The following ARRDC3 variants were observed in gnomAD, a reference collection of about 807,000 sequenced individuals.
ARRDC3 encodes the protein arrestin domain containing 3.
A neutral mutation model predicts 47.2 loss-of-function variants in ARRDC3; 10 were observed. The observed-to-expected ratio is 0.21, with a 90% CI of 0.13 to 0.36. ARRDC3 has a LOEUF of 0.36. ARRDC3 is among the 10% of genes least tolerant of loss of function. The pLI is 1.00. For missense variants in ARRDC3, 381 were observed against 503.6 expected (o/e 0.76, Z 2.33); for synonymous variants, 156 against 178.3 (o/e 0.87, Z 1.00).
intron 5 of ARRDC3, 26 bp downstream of exon 5, chr5:91,374,895 GA>G: frequency 1.9e-6 from 3 of 1,603,414 alleles, no homozygotes; most frequent in Non-Finnish European, 2.6e-6. Flanking sequence ...AAAAAGAAAG[GA>G]AAAAACCTCT....
intron 1 of ARRDC3, among the ~76,000 whole-genome samples, chr5:91,382,193 T>C (rs1213649361): frequency 3.3e-5 from 5 of 152,188 alleles, no homozygotes; most frequent in Non-Finnish European, 5.9e-5. Context: ...TAATGACAGA[T>C]AGTCATTCCT....
intron 2 of ARRDC3, among the ~76,000 whole-genome samples, chr5:91,377,597 C>G (rs1229986034): frequency 6.7e-6 from 1 of 148,344 alleles, no homozygotes; most frequent in Non-Finnish European, 1.5e-5. Context: ...GCATTTTAGA[C>G]TCCCACATTA....
At position 91,370,120 on chromosome 5, in the gene ARRDC3, GCTCT is replaced by G. The variant is rs1799135861; in HGVS notation, c.*1276_*1279del. The G allele has an allele frequency of 6.6e-6, 1 of 152,156 alleles. No homozygotes were observed. The highest frequency in any genetic ancestry group is 2.4e-5 in the African/African-American group (1 of 41,430). The allele number at this position is 152,156 out of a possible 1,614,324, so 9.4% of individuals were successfully genotyped here. ...GCAAGACAGCAAAGGTACAAATTGAGCTCTCTATTCATAACCTCAATGTATGTAT... is the reference window on the plus strand; with the variant it reads ...GCAAGACAGCAAAGGTACAAATTGAGCTATTCATAACCTCAATGTATGTAT... On this transcript the variant is annotated 3_prime_UTR_variant, in exon 8 of 8. Transcript: ENST00000265138.
At position 91,375,491 on chromosome 5, in the gene ARRDC3, G is replaced by T. The variant is rs2127070289; in HGVS notation, c.613+20C>A. The T allele has an allele frequency of 6.5e-7, 1 of 1,541,518 alleles. No individual in the cohort carries two copies. The highest frequency in any genetic ancestry group is 8.8e-7 in the Non-Finnish European group (1 of 1,136,996). On this transcript the variant is annotated intron_variant, in intron 4 of 7. Coordinates refer to ENST00000265138, the MANE Select transcript of ARRDC3 (RefSeq NM_020801.4). ...GCTAAGTGAAGAAAAGTTTTTTGTG[G>T]GAATCTACCTCTTACATACCTGGGG...
Position 91,369,178 on chromosome 5 carries a change from T to C in ARRDC3, c.*2222A>G, listed in dbSNP as rs897451688. ...CAGAATATTGGTCATTCTTGCTTCA[T>C]GTGTTATTTGTAAGAGTATATAATG... On this transcript the variant is annotated 3_prime_UTR_variant, in exon 8 of 8. Coordinates refer to ENST00000265138, the MANE Select transcript of ARRDC3 (RefSeq NM_020801.4). 6.6e-6 allele frequency: 1 copy of C among 152,544 alleles called. No homozygotes were observed. The highest frequency in any genetic ancestry group is 6.5e-5 in the Admixed American group (1 of 15,278). 9.4% of individuals were successfully genotyped at this position (152,544 alleles called of 1,614,324 possible). A position where few individuals can be genotyped will look rare whatever the true frequency, so the allele number is the denominator to read the frequency against.
intron 7 of ARRDC3, among the ~76,000 whole-genome samples, chr5:91,372,955 T>TGTCTTTACATAC (rs1799213963): frequency 6.6e-6 from 1 of 152,212 alleles, no homozygotes; most frequent in African/African-American, 2.4e-5. Flanking sequence ...ACTCACTCCT[T>TGTCTTTACATAC]GTCTTTACAT....
rs1352364009 is a variant in ARRDC3, at chr5:91,375,499, C to T, written c.613+12G>A. The T allele has an allele frequency of 1.3e-6, 2 of 1,574,484 alleles. No individual in the cohort carries two copies. The highest frequency in any genetic ancestry group is 2.4e-5 in the South Asian group (2 of 84,950). On this transcript the variant is annotated intron_variant, in intron 4 of 7. Transcript: ENST00000265138. ...AAGAAAAGTTTTTTGTGGGAATCTA[C>T]CTCTTACATACCTGGGGTATAGCCC...
intron 5 of ARRDC3, 32 bp downstream of exon 5, chr5:91,374,886 AAAAG>A: frequency 6.3e-7 from 1 of 1,599,492 alleles, no homozygotes; most frequent in Non-Finnish European, 8.5e-7. Flanking sequence ...CAAAAAAGAA[AAAAG>A]AAAGGAAAAA....
At chr5:91,376,478 G>T in intron 3 of ARRDC3, 143 bp downstream of exon 3, 1 of 754,552 alleles carries the variant, frequency 1.3e-6, no homozygotes, top group Non-Finnish European at 2.1e-6. Flanking sequence ...GTTCTTGACT[G>T]TATTTAAGAA....
At chr5:91,371,809 A>G (rs1799184209) in intron 7 of ARRDC3, among the ~76,000 whole-genome samples, 1 of 152,228 alleles carries the variant, frequency 6.6e-6, no homozygotes, top group African/African-American at 2.4e-5. Context: ...TACACAACGT[A>G]GAATATCTTC....
Position 91,373,769 on chromosome 5 carries a change from C to T in ARRDC3, c.1103G>A (p.Cys368Tyr), listed in dbSNP as rs1362177945. ...TTGAAGGGCTCTCTCAAAGTCATCA[C>T]AAGCACTCACTGGTGCAAGATTGTT... ...RRNNLAPVSA[C>Y]DDFERALQGP... is the part of the protein sequence containing the mutation. Residue 368 changes from cysteine (C) to tyrosine (Y), a missense_variant, in exon 7 of 8, where the codon TGT (cysteine) becomes TAT (tyrosine). Transcript: ENST00000265138. 8 of 1,613,954 alleles carry T rather than the reference C, an allele frequency of 5.0e-6. No individual in the cohort carries two copies. The highest frequency in any genetic ancestry group is 6.8e-6 in the Non-Finnish European group (8 of 1,179,966).
At chr5:91,371,620 G>T (rs1799180229) in intron 7 of ARRDC3, among the ~76,000 whole-genome samples, 164 bp from the exon 8 acceptor site, 1 of 152,132 alleles carries the variant, frequency 6.6e-6, no homozygotes, top group African/African-American at 2.4e-5. Context: ...TACGTGAAAT[G>T]CTATGTGGGG....
chr5:91,370,987 ATC>A lies in ARRDC3; in HGVS notation c.*411_*412del, dbSNP rs1245325663. The A allele has an allele frequency of 6.5e-6, 1 of 153,384 alleles. No individual in the cohort carries two copies. Among genetic ancestry groups the A allele is most frequent in the East Asian group, 2.0e-4 (1 of 5,128 alleles). The allele number at this position is 153,384 out of a possible 1,614,324, so 9.5% of individuals were successfully genotyped here. A position where few individuals can be genotyped will look rare whatever the true frequency, so the allele number is the denominator to read the frequency against. ...CTGACCACAAACAAGTTTTAAGAGT[ATC>A]AAGAGTCTGGCAAAAATAGAAAAAA... On this transcript the variant is annotated 3_prime_UTR_variant, in exon 8 of 8. Coordinates refer to ENST00000265138, the MANE Select transcript of ARRDC3 (RefSeq NM_020801.4).
In ARRDC3 at chr5:91,378,753, G is replaced by A; in HGVS notation, c.303C>T (p.Gly101=). The A allele has an allele frequency of 1.3e-6, 2 of 1,594,310 alleles. No individual in the cohort carries two copies. Among genetic ancestry groups the A allele is most frequent in the Non-Finnish European group, 1.7e-6 (2 of 1,172,816 alleles). ...GCCTTCCTGAATGAATAGTGTGGAA[G>A]CCTTCTTCGGAATTATCATCATCTA... ...HERDDDNSEE[G]FHTIHSGRHE... is the part of the protein sequence containing the mutation. Residue 101 remains glycine (G), a synonymous_variant, in exon 2 of 8, where the codon GGC becomes GGT. Transcript: ENST00000265138.
chr5:91,374,399 GAA>G (rs1799251518), intron 5 of ARRDC3, 123 bp from the exon 6 acceptor site: 1 of 812,422 alleles, frequency 1.2e-6, no homozygotes, highest in Non-Finnish European at 1.9e-6. Flanking sequence ...TTACATACAT[GAA>G]AAGTTTCTCT....
At chr5:91,374,334 A>G (rs1799249913) in intron 5 of ARRDC3, 58 bp from the exon 6 acceptor site, 28 of 1,469,246 alleles carry the variant, frequency 1.9e-5, no homozygotes, top group Non-Finnish European at 2.6e-5. Context: ...CCTTTTCAAA[A>G]ACTCATAACC....
rs1799115401 is a variant in ARRDC3 at position 91,369,355 on chromosome 5, G to C, written c.*2045C>G. ...TATTCCATTAGCTTTTTTTGAGGGG[G>C]ACATTCACAAAATGATTCAACAATA... is the stretch of plus-strand genomic sequence containing the variant. On this transcript the variant is annotated 3_prime_UTR_variant, in exon 8 of 8. Coordinates refer to ENST00000265138, the MANE Select transcript of ARRDC3 (RefSeq NM_020801.4). 1 of 151,686 alleles carries C rather than the reference G, an allele frequency of 6.6e-6. No homozygotes were observed. Among genetic ancestry groups the C allele is most frequent in the Non-Finnish European group, 1.5e-5 (1 of 67,890 alleles). The allele number at this position is 151,686 out of a possible 1,614,324, so 9.4% of individuals were successfully genotyped here. A position where few individuals can be genotyped will look rare whatever the true frequency, so the allele number is the denominator to read the frequency against.
intron 3 of ARRDC3, among the ~76,000 whole-genome samples, chr5:91,376,211 T>C (rs1174264159): frequency 1.3e-5 from 2 of 152,212 alleles, no homozygotes; most frequent in African/African-American, 4.8e-5. Flanking sequence ...ATTTGACAAC[T>C]ATCCCTCTAT....
chr5:91,378,654 ATAAG>A, intron 2 of ARRDC3, 36 bp downstream of exon 2: 1 of 1,094,450 alleles, frequency 9.1e-7, no homozygotes, highest in Non-Finnish European at 1.4e-6. Flanking sequence ...TGCTCTGATC[ATAAG>A]TATCTATAAA....
Sources: allele counts gnomAD v4.1 joint callset (sites outside exome capture counted in the v4.1 genomes callset), GRCh38; gene constraint gnomAD v4.1.1; transcripts MANE v1.5; gene names NCBI Gene and HGNC (gene_info 2026-07-23, HGNC 2026-07-21).